Variants in PEX26 observed in about 807,000 individuals in gnomAD.
PEX26 encodes the protein peroxisomal biogenesis factor 26.
A neutral mutation model predicts 31.4 loss-of-function variants in PEX26; 18 were observed. The ratio of observed to expected loss-of-function variants is 0.57; its 90% CI spans 0.40 to 0.85. The LOEUF (loss-of-function observed/expected upper bound fraction) is 0.85. PEX26 is among the 40% of genes least tolerant of loss of function. The pLI, the probability that PEX26 is intolerant of heterozygous loss-of-function variation, is 0.00. For synonymous variants in PEX26, 176 were observed against 166.9 expected, an observed-to-expected ratio of 1.05 and a Z score of -0.42; for missense variants, 377 against 383.9, an observed-to-expected ratio of 0.98 and a Z score of 0.15.
In PEX26 at chr22:18,088,436, G is replaced by C. The variant is rs1318873236; in HGVS notation, c.*361G>C. 2 of 380,266 alleles carry C rather than the reference G, an allele frequency of 5.3e-6. No homozygotes were observed. The highest frequency in any genetic ancestry group is 2.1e-5 in the African/African-American group (1 of 48,020). The allele number at this position is 380,266 out of a possible 1,614,324, so 23.6% of individuals were successfully genotyped here. On this transcript the variant is annotated 3_prime_UTR_variant, in exon 5 of 5. Transcript: ENST00000399744. This position sits in a 1 kb window ranked among gnomAD's most constrained non-coding sequence, Gnocchi z 4.1. ...GGTCAGGATGTTAATGGAGCTGGAA[G>C]TTCAGAAAAAGCCTGGTGAAGTGAC...
At position 18,097,090 on chromosome 22, in the gene PEX26, A is replaced by C. The variant is rs1304487812; in HGVS notation, c.*9015A>C. Reference sequence around the variant, plus strand: ...ACTGACTCACTATCACAAGAACAACAGGGGAGAAACTGTTCCTGTGATCCA... The same window carrying C: ...ACTGACTCACTATCACAAGAACAACCGGGGAGAAACTGTTCCTGTGATCCA... On this transcript the variant is annotated 3_prime_UTR_variant, in exon 5 of 5. Transcript: ENST00000399744. 3 of 152,086 alleles carry C rather than the reference A, an allele frequency of 2.0e-5. No homozygotes were observed. Among genetic ancestry groups the C allele is most frequent in the African/African-American group, 7.2e-5 (3 of 41,414 alleles). 9.4% of individuals were successfully genotyped at this position (152,086 alleles called of 1,614,324 possible).
intron 1 of PEX26, 110 bp downstream of exon 1, chr22:18,078,716 G>T (rs1254806285): frequency 2.1e-6 from 2 of 962,238 alleles, no homozygotes; most frequent in Non-Finnish European, 3.2e-6. Context: ...TTTACACCTC[G>T]CTTTCATCAG....
Position 18,099,474 on chromosome 22 carries a change from A to T in PEX26, c.*11399A>T, listed in dbSNP as rs1000799809. 1.3e-5 allele frequency: 2 copies of T among 152,190 alleles called. No individual in the cohort carries two copies. The highest frequency in any genetic ancestry group is 4.8e-5 in the African/African-American group (2 of 41,438). 9.4% of individuals were successfully genotyped at this position (152,190 alleles called of 1,614,324 possible). On this transcript the variant is annotated 3_prime_UTR_variant, in exon 5 of 5. Transcript: ENST00000399744. ...AAACACCCCATGAAAATAAAAGTCTATATCTTCCCTTCAATATACATTCAT... is the reference window on the plus strand; with the variant it reads ...AAACACCCCATGAAAATAAAAGTCTTTATCTTCCCTTCAATATACATTCAT...
rs1043250977 is a variant in PEX26 at position 18,097,131 on chromosome 22, G to C, written c.*9056G>C. On this transcript the variant is annotated 3_prime_UTR_variant, in exon 5 of 5. Coordinates refer to ENST00000399744, the MANE Select transcript of PEX26 (RefSeq NM_001127649.3). ...CTGTGATCCAGTCACCTCCCACCAG[G>C]TCCCTCCTCCGACGTGGGGATTACA... 9 of 152,192 alleles carry C rather than the reference G, an allele frequency of 5.9e-5. No individual in the cohort carries two copies. The highest frequency in any genetic ancestry group is 2.6e-4 in the Admixed American group (4 of 15,266). The allele number at this position is 152,192 out of a possible 1,614,324, so 9.4% of individuals were successfully genotyped here.
chr22:18,083,501 C>T lies in PEX26; in HGVS notation c.436C>T (p.Gln146Ter). The T allele has an allele frequency of 1.2e-6, 2 of 1,614,112 alleles. No individual in the cohort carries two copies. Among genetic ancestry groups the T allele is most frequent in the Non-Finnish European group, 1.7e-6 (2 of 1,179,976 alleles). Residue 146 changes from glutamine to a stop codon, truncating the protein, a stop_gained, in exon 3 of 5, where the codon CAA becomes TAA. Transcript: ENST00000399744. LOFTEE classifies it high-confidence loss of function. ...AVLDVVGAWL[Q>*]DPANQNLPEY... ...GCTGGATGTGGTGGGTGCCTGGCTC[C>T]AAGACCCAGCCAATCAAAACCTTCC... is the stretch of plus-strand genomic sequence containing the variant.
Position 18,095,243 on chromosome 22 carries a change from A to G in PEX26, c.*7168A>G, listed in dbSNP as rs924379876. On this transcript the variant is annotated 3_prime_UTR_variant, in exon 5 of 5. Transcript: ENST00000399744. Reference sequence around the variant, plus strand: ...GTAGTATCGTCGCCCAGCTCCCTCCAGAGAAAGAGCAGGAGGTGTTCTTCT... The same window carrying G: ...GTAGTATCGTCGCCCAGCTCCCTCCGGAGAAAGAGCAGGAGGTGTTCTTCT... 1.3e-5 allele frequency: 2 copies of G among 152,190 alleles called. No homozygotes were observed. The highest frequency in any genetic ancestry group is 6.5e-5 in the Admixed American group (1 of 15,272). The allele number at this position is 152,190 out of a possible 1,614,324, so 9.4% of individuals were successfully genotyped here.
Position 18,088,221 on chromosome 22 carries a change from C to G in PEX26, c.*146C>G, listed in dbSNP as rs1200872013. The G allele has an allele frequency of 1.4e-6, 1 of 737,696 alleles. No individual in the cohort carries two copies. The highest frequency in any genetic ancestry group is 1.9e-5 in the Admixed American group (1 of 52,688). The allele number at this position is 737,696 out of a possible 1,614,324, so 45.7% of individuals were successfully genotyped here. A position where few individuals can be genotyped will look rare whatever the true frequency, so the allele number is the denominator to read the frequency against. On this transcript the variant is annotated 3_prime_UTR_variant, in exon 5 of 5. Coordinates refer to ENST00000399744, the MANE Select transcript of PEX26 (RefSeq NM_001127649.3). This position sits in a 1 kb window ranked among gnomAD's most constrained non-coding sequence, Gnocchi z 4.1. Reference sequence around the variant, plus strand: ...CACTGTGTCTTGCTGCCTGGGTGCCCTCTCCTTTGCACCCTACTTCGGCTG... The same window carrying G: ...CACTGTGTCTTGCTGCCTGGGTGCCGTCTCCTTTGCACCCTACTTCGGCTG...
Position 18,101,116 on chromosome 22 carries a change from C to A in PEX26, c.*13041C>A, listed in dbSNP as rs1193082954. On this transcript the variant is annotated 3_prime_UTR_variant, in exon 5 of 5. Coordinates refer to ENST00000399744, the MANE Select transcript of PEX26 (RefSeq NM_001127649.3). ...AGGGTTCATCTATAAAAGTATTTTTCCAAAAATAATGCTTAAAAGAGACTT... is the reference window on the plus strand; with the variant it reads ...AGGGTTCATCTATAAAAGTATTTTTACAAAAATAATGCTTAAAAGAGACTT... The A allele has an allele frequency of 6.6e-6, 1 of 152,084 alleles. No homozygotes were observed. Among genetic ancestry groups the A allele is most frequent in the Non-Finnish European group, 1.5e-5 (1 of 68,018 alleles). The allele number at this position is 152,084 out of a possible 1,614,324, so 9.4% of individuals were successfully genotyped here. A position where few individuals can be genotyped will look rare whatever the true frequency, so the allele number is the denominator to read the frequency against.
chr22:18,094,763 T>TTTTTC lies in PEX26; in HGVS notation c.*6706_*6710dup, dbSNP rs61047012. 0.51 allele frequency: 73,725 copies of TTTTTC among 143,794 alleles called. 20,214 individuals are homozygous for TTTTTC. The highest frequency in any genetic ancestry group is 0.63 in the Non-Finnish European group (41,302 of 65,952). 8.9% of individuals were successfully genotyped at this position (143,794 alleles called of 1,614,324 possible). Reference sequence around the variant, plus strand: ...AGTTTCTTATTTTCCTTTGGCTTTTTTTTTCTTTTCTTTTCTTTTCTTCTT... The same window carrying TTTTTC: ...AGTTTCTTATTTTCCTTTGGCTTTTTTTTTCTTTTCTTTTCTTTTCTTTTCTTCTT... On this transcript the variant is annotated 3_prime_UTR_variant, in exon 5 of 5. Coordinates refer to ENST00000399744, the MANE Select transcript of PEX26 (RefSeq NM_001127649.3).
chr22:18,085,876 CA>C (rs958711836), intron 4 of PEX26, among the ~76,000 whole-genome samples: 65 of 149,650 alleles, frequency 4.3e-4, no homozygotes, highest in African/African-American at 1.4e-3. Context: ...TGTCTCAAAA[CA>C]AAAAACAAAA....
In PEX26 at chr22:18,078,359, C is replaced by A; in HGVS notation, c.-18C>A. 1.9e-6 allele frequency: 3 copies of A among 1,577,166 alleles called. No homozygotes were observed. Among genetic ancestry groups the A allele is most frequent in the Non-Finnish European group, 1.7e-6 (2 of 1,155,006 alleles). ...CACTCCGACGTCTGAGGACCTGGGC[C>A]TTGGACCCGGACTCGTTATGAAGAG... On this transcript the variant is annotated 5_prime_UTR_variant, in exon 1 of 5. Coordinates refer to ENST00000399744, the MANE Select transcript of PEX26 (RefSeq NM_001127649.3).
At position 18,080,010 on chromosome 22, in the gene PEX26, C is replaced by G; in HGVS notation, c.367C>G (p.Leu123Val). 6.2e-7 allele frequency: 1 copy of G among 1,614,150 alleles called. No homozygotes were observed. Among genetic ancestry groups the G allele is most frequent in the Non-Finnish European group, 8.5e-7 (1 of 1,180,008 alleles). Reference protein sequence around the residue: ...PEKLPPKVLELCILLYSKMQE... With the variant: ...PEKLPPKVLEVCILLYSKMQE... ...AAAGCTACCCCCCAAAGTCCTGGAG[C>G]TGTGGTAAGTCTTCTTTGCTGACTC... Residue 123 changes from leucine to valine, a missense_variant, in exon 2 of 5, where the codon CTG becomes GTG. Coordinates refer to ENST00000399744, the MANE Select transcript of PEX26 (RefSeq NM_001127649.3).
At chr22:18,085,507 AACATGG>A (rs1926807420) in intron 4 of PEX26, among the ~76,000 whole-genome samples, 1 of 152,174 alleles carries the variant, frequency 6.6e-6, no homozygotes, top group South Asian at 2.1e-4. Flanking sequence ...CTGACTCCTG[AACATGG>A]ACTGAGTCAT....
chr22:18,101,699 T>C lies in PEX26; in HGVS notation c.*13624T>C, dbSNP rs189227106. ...AAAACCCGATCCAGAGCAGCAGTGA[T>C]GAAATCACCCTCTCCTTTAAGACCT... On this transcript the variant is annotated 3_prime_UTR_variant, in exon 5 of 5. Transcript: ENST00000399744. 47 of 273,586 alleles carry C rather than the reference T, an allele frequency of 1.7e-4. No homozygotes were observed. Among genetic ancestry groups the C allele is most frequent in the African/African-American group, 9.5e-4 (42 of 43,996 alleles). The allele number at this position is 273,586 out of a possible 1,614,324, so 16.9% of individuals were successfully genotyped here. A position where few individuals can be genotyped will look rare whatever the true frequency, so the allele number is the denominator to read the frequency against.
rs1927394127 is a variant in PEX26, at chr22:18,099,643, A to G, written c.*11568A>G. 6.6e-6 allele frequency: 1 copy of G among 152,288 alleles called. No individual in the cohort carries two copies. The highest frequency in any genetic ancestry group is 2.4e-5 in the African/African-American group (1 of 41,554). 9.4% of individuals were successfully genotyped at this position (152,288 alleles called of 1,614,324 possible). A position where few individuals can be genotyped will look rare whatever the true frequency, so the allele number is the denominator to read the frequency against. ...GGACTGCTGTTAACAAATTGCCACA[A>G]ATGTATGGCTTAAAACAACAGAAAT... On this transcript the variant is annotated 3_prime_UTR_variant, in exon 5 of 5. Coordinates refer to ENST00000399744, the MANE Select transcript of PEX26 (RefSeq NM_001127649.3).
intron 4 of PEX26, among the ~76,000 whole-genome samples, chr22:18,087,417 C>T (rs1019491733): frequency 5.3e-5 from 8 of 152,154 alleles, no homozygotes; most frequent in Admixed American, 1.3e-4. Flanking sequence ...CCTTCTAACC[C>T]GTCTGCTGAA....
At position 18,083,490 on chromosome 22, in the gene PEX26, G is replaced by A. The variant is rs1926704169; in HGVS notation, c.425G>A (p.Gly142Asp). 3 of 1,613,970 alleles carry A rather than the reference G, an allele frequency of 1.9e-6. No homozygotes were observed. The highest frequency in any genetic ancestry group is 2.5e-6 in the Non-Finnish European group (3 of 1,179,978). Residue 142 changes from glycine (G) to aspartate (D), a missense_variant, in exon 3 of 5, where the codon GGT becomes GAT. Gly to Asp is a moderately conservative substitution (Grantham distance 94). Transcript: ENST00000399744. ...QEPGAVLDVV[G>D]AWLQDPANQN... ...CCTGGAGCTGTGCTGGATGTGGTGG[G>A]TGCCTGGCTCCAAGACCCAGCCAAT...
chr22:18,102,756 C>T lies in PEX26; in HGVS notation c.*14681C>T, dbSNP rs1427514219. 6.6e-6 allele frequency: 1 copy of T among 152,084 alleles called. No individual in the cohort carries two copies. The allele number at this position is 152,084 out of a possible 1,614,324, so 9.4% of individuals were successfully genotyped here. A position where few individuals can be genotyped will look rare whatever the true frequency, so the allele number is the denominator to read the frequency against. On this transcript the variant is annotated 3_prime_UTR_variant, in exon 5 of 5. Transcript: ENST00000399744. The stretch of plus-strand genomic sequence containing the variant: ...GCAATCCGCTCCAGTAGGTGTCCTT[C>T]AGGATACTTTTCTGTCAAGTAAATA...
rs1052218818 is a variant in PEX26, at chr22:18,103,144, G to C, written c.*15069G>C. The C allele has an allele frequency of 6.7e-6, 1 of 149,230 alleles. No individual in the cohort carries two copies. Among genetic ancestry groups the C allele is most frequent in the Non-Finnish European group, 1.5e-5 (1 of 67,540 alleles). The allele number at this position is 149,230 out of a possible 1,614,324, so 9.2% of individuals were successfully genotyped here. A position where few individuals can be genotyped will look rare whatever the true frequency, so the allele number is the denominator to read the frequency against. ...TAAAAGTTAATCTCATGGAGGTAGA[G>C]AGTAGAATGACAATTACTAGAGGCT... is the stretch of plus-strand genomic sequence containing the variant. On this transcript the variant is annotated 3_prime_UTR_variant, in exon 5 of 5. Coordinates refer to ENST00000399744, the MANE Select transcript of PEX26 (RefSeq NM_001127649.3).
Sources: gnomAD v4.1 joint callset for allele counts (sites outside exome capture counted in the v4.1 genomes callset) on GRCh38, gnomAD v4.1.1 for gene constraint, Gnocchi (gnomAD v3.1) non-coding constraint, MANE v1.5 for transcripts, NCBI Gene and HGNC (gene_info 2026-07-23, HGNC 2026-07-21) for gene names.